Variants in CNOT6L observed in about 807,000 individuals in gnomAD.
The protein encoded by CNOT6L is CCR4-NOT transcription complex subunit 6 like, also known as CCR4-NOT transcription complex subunit 6-like.
In CNOT6L, 7 loss-of-function variants were observed where a neutral mutation model predicts 64.0. That is an observed-to-expected ratio of 0.11 (90% CI 0.06 to 0.21). CNOT6L has a LOEUF of 0.21. CNOT6L is among the 10% of genes least tolerant of loss of function. CNOT6L has a pLI of 1.00. For synonymous variants in CNOT6L, 193 were observed against 243.4 expected (o/e 0.79, Z 1.93); for missense variants, 245 against 669.0 (o/e 0.37, Z 6.99).
Position 77,731,328 on chromosome 4 carries a change from A to T in CNOT6L, c.1024+59T>A, listed in dbSNP as rs1415682216. 2.0e-6 allele frequency: 3 copies of T among 1,521,702 alleles called. No individual in the cohort carries two copies. The East Asian group carries it at 6.8e-5, about 34-fold the overall frequency. 94.3% of individuals were successfully genotyped at this position (1,521,702 alleles called of 1,614,324 possible). A position where few individuals can be genotyped will look rare whatever the true frequency, so the allele number is the denominator to read the frequency against. Reference sequence around the variant, plus strand: ...GGCAAAATTCTCTTCACTTGTTTTGAGATGGAAAAACTTGGGATGGTGTTT... The same window carrying T: ...GGCAAAATTCTCTTCACTTGTTTTGTGATGGAAAAACTTGGGATGGTGTTT... On this transcript the variant is annotated intron_variant, in intron 9 of 11. Coordinates refer to ENST00000504123, the MANE Select transcript of CNOT6L (RefSeq NM_144571.3).
Position 77,776,409 on chromosome 4 carries a change from A to AG in CNOT6L, c.6-18dup, listed in dbSNP as rs1728153496. 6.5e-7 allele frequency: 1 copy of AG among 1,530,704 alleles called. No homozygotes were observed. The highest frequency in any genetic ancestry group is 2.0e-5 in the Admixed American group (1 of 48,848). 94.8% of individuals were successfully genotyped at this position (1,530,704 alleles called of 1,614,324 possible). On this transcript the variant is annotated splice_polypyrimidine_tract_variant and intron_variant, in intron 1 of 11. Coordinates refer to ENST00000504123, the MANE Select transcript of CNOT6L (RefSeq NM_144571.3). ...CCTATTAGTCTGTTTAAAAAAAAAA[A>AG]GGAGGAGATCAATAATTATTATAGT...
At chr4:77,818,990 C>G in intron 1 of CNOT6L, 1 of 670,438 alleles carries the variant, frequency 1.5e-6, no homozygotes, top group Non-Finnish European at 2.7e-6. Context: ...GGCTCGGGAG[C>G]CGCAGCCACA....
chr4:77,765,277 T>A (rs1209295485), intron 4 of CNOT6L, among the ~76,000 whole-genome samples: 1 of 152,100 alleles, frequency 6.6e-6, no homozygotes, highest in Non-Finnish European at 1.5e-5. Flanking sequence ...GAAATAACCA[T>A]AAAAATGGGC....
upstream of CNOT6L, chr4:77,819,529 G>A (rs1405092516): frequency 2.7e-6 from 2 of 737,482 alleles, no homozygotes; most frequent in Admixed American, 4.4e-5. Context: ...ACCGGGGCTC[G>A]CGGGCGGGCG....
intron 4 of CNOT6L, among the ~76,000 whole-genome samples, chr4:77,759,491 G>C (rs1319294151): frequency 1.3e-5 from 2 of 151,858 alleles, no homozygotes; most frequent in Non-Finnish European, 2.9e-5. Context: ...TATGAACCCG[G>C]GAGGCAGAGC....
intron 5 of CNOT6L, among the ~76,000 whole-genome samples, chr4:77,754,891 A>AAAAAAAAAAAAAAAG (rs1725318012): frequency 9.4e-6 from 1 of 106,092 alleles, no homozygotes; most frequent in African/African-American, 3.7e-5. Flanking sequence ...TTAGAAGTAA[A>AAAAAAAAAAAAAAAG]AAAAAAAAAA....
chr4:77,738,610 A>G (rs1380879872), intron 8 of CNOT6L, among the ~76,000 whole-genome samples: 3 of 152,026 alleles, frequency 2.0e-5, no homozygotes, highest in Non-Finnish European at 4.4e-5. Flanking sequence ...AAAATTAGTC[A>G]GGCATGGTGG....
chr4:77,796,516 A>T (rs1730870271), intron 1 of CNOT6L, among the ~76,000 whole-genome samples: 2 of 151,822 alleles, frequency 1.3e-5, no homozygotes, highest in Admixed American at 1.3e-4. Flanking sequence ...CTTCCCCTTC[A>T]CCTTCTGCCA....
At chr4:77,745,779 C>T (rs1186747423) in intron 6 of CNOT6L, among the ~76,000 whole-genome samples, 1 of 152,040 alleles carries the variant, frequency 6.6e-6, no homozygotes, top group Non-Finnish European at 1.5e-5. Context: ...AAAAAGGATC[C>T]CAGCATCCCA....
chr4:77,790,805 C>A (rs115224043), intron 1 of CNOT6L, among the ~76,000 whole-genome samples: 1 of 147,872 alleles, frequency 6.8e-6, no homozygotes, highest in South Asian at 2.2e-4. Flanking sequence ...CCCACCACTG[C>A]GCCTGGCTGA....
At position 77,778,727 on chromosome 4, in the gene CNOT6L, GC is replaced by G. The variant is rs775231926; in HGVS notation, c.6-2336del. On this transcript the variant is annotated intron_variant, in intron 1 of 11. Transcript: ENST00000504123. ...TTACAGGCGTGAGCCACGGCACCCA[GC>G]CCAATTTTAGATCATTTTTATAAAA... 9.3e-5 allele frequency among the ~76,000 whole-genome samples: 14 copies of G among 151,248 alleles called. 1 individual carries two copies. The highest frequency in any genetic ancestry group is 6.8e-3 in the Middle Eastern group (2 of 294).
chr4:77,768,489 A>ATATATATATATATATG (rs1207969223), intron 4 of CNOT6L, among the ~76,000 whole-genome samples: 1 of 4,154 alleles, frequency 2.4e-4, no homozygotes, highest in African/African-American at 4.2e-4. Context: ...ATATATATAT[A>ATATATATATATATATG]TATATATATA....
chr4:77,789,299 C>G (rs948140397), intron 1 of CNOT6L, among the ~76,000 whole-genome samples: 3 of 152,074 alleles, frequency 2.0e-5, no homozygotes, highest in African/African-American at 4.8e-5. Flanking sequence ...CAGCTCCCCC[C>G]ACGCTCCCCC....
At chr4:77,811,871 GT>G (rs1352072327) in intron 1 of CNOT6L, among the ~76,000 whole-genome samples, 5 of 55,062 alleles carry the variant, frequency 9.1e-5, no homozygotes, top group African/African-American at 2.4e-4. Context: ...GCAAGGAGCA[GT>G]TTAAAAAAAA....
chr4:77,768,560 G>A lies in CNOT6L; in HGVS notation c.400+4521C>T, dbSNP rs1364742473. On this transcript the variant is annotated intron_variant, in intron 4 of 11. Coordinates refer to ENST00000504123, the MANE Select transcript of CNOT6L (RefSeq NM_144571.3). ...ACCAGAAAGAAAAACAAAAGGAAAAGCCATAGAGTGGGAGAAGACACTTAT... is the reference window on the plus strand; with the variant it reads ...ACCAGAAAGAAAAACAAAAGGAAAAACCATAGAGTGGGAGAAGACACTTAT... Among the ~76,000 whole-genome samples, 5 of 144,610 alleles carry A rather than the reference G, an allele frequency of 3.5e-5. No homozygotes were observed. The East Asian group carries it at 8.0e-4, about 23-fold the overall frequency. The allele number at this position is 144,610 out of a possible 152,430, so 94.9% of individuals were successfully genotyped here. A position where few individuals can be genotyped will look rare whatever the true frequency, so the allele number is the denominator to read the frequency against.
At chr4:77,794,164 A>AAAG (rs1287448094) in intron 1 of CNOT6L, among the ~76,000 whole-genome samples, 1 of 150,312 alleles carries the variant, frequency 6.7e-6, no homozygotes. Context: ...AAAAAAAAAA[A>AAAG]AAAAAAAAAA....
intron 4 of CNOT6L, among the ~76,000 whole-genome samples, chr4:77,770,947 G>A (rs892252359): frequency 5.3e-5 from 8 of 152,178 alleles, no homozygotes; most frequent in Admixed American, 1.3e-4. Flanking sequence ...ATATGAAACA[G>A]TTATGAAAGA....
At chr4:77,777,350 G>T (rs569529161) in intron 1 of CNOT6L, among the ~76,000 whole-genome samples, 3 of 152,258 alleles carry the variant, frequency 2.0e-5, no homozygotes, top group East Asian at 3.9e-4. Context: ...CAATCCAAAC[G>T]TTGTTATGCA....
chr4:77,808,208 T>C lies in CNOT6L; in HGVS notation c.5+11096A>G, dbSNP rs191626744. On this transcript the variant is annotated intron_variant, in intron 1 of 11. Coordinates refer to ENST00000504123, the MANE Select transcript of CNOT6L (RefSeq NM_144571.3). The stretch of plus-strand genomic sequence containing the variant: ...CTGGCGAGGTGGCTCATTCCTGTAA[T>C]CCCAACACTTTGGGAGGCTGAGGCA... Among the ~76,000 whole-genome samples the C allele has an allele frequency of 8.5e-5, 13 of 152,262 alleles. No individual in the cohort carries two copies. In the East Asian group the frequency reaches 2.5e-3, roughly 29 times the overall value.
Sources: gnomAD v4.1 joint callset for allele counts (sites outside exome capture counted in the v4.1 genomes callset) on GRCh38, gnomAD v4.1.1 for gene constraint, MANE v1.5 for transcripts, NCBI Gene and HGNC (gene_info 2026-07-23, HGNC 2026-07-21) for gene names.